Variants in ARHGAP24 observed in about 807,000 individuals in gnomAD.
The protein encoded by ARHGAP24 is Rho GTPase activating protein 24.
ARHGAP24 carries 50 observed loss-of-function variants against 76.4 expected under a neutral mutation model. That is an observed-to-expected ratio of 0.65 (90% CI 0.52 to 0.83). The LOEUF (loss-of-function observed/expected upper bound fraction) is 0.83, where lower values mean the gene tolerates loss of function less well. ARHGAP24 is among the 40% of genes least tolerant of loss of function. The pLI, the probability that ARHGAP24 is intolerant of heterozygous loss-of-function variation, is 0.00. For missense variants in ARHGAP24, 930 were observed against 914.2 expected, an observed-to-expected ratio of 1.02 and a Z score of -0.22; for synonymous variants, 345 against 323.3, an observed-to-expected ratio of 1.07 and a Z score of -0.72.
chr4:85,884,166 G>A (rs138016989), intron 3 of ARHGAP24, among the ~76,000 whole-genome samples: 78 of 152,280 alleles, frequency 5.1e-4, no homozygotes, highest in African/African-American at 1.8e-3. Context: ...TCATTAGTTA[G>A]TGAATTGGCA....
intron 2 of ARHGAP24, among the ~76,000 whole-genome samples, chr4:85,644,591 T>C (rs1309121494): frequency 2.0e-5 from 3 of 152,148 alleles, no homozygotes; most frequent in Non-Finnish European, 4.4e-5. Context: ...ATGGAATATA[T>C]CATGTTAATC....
At chr4:85,570,766 A>G in intron 2 of ARHGAP24, 45 bp downstream of exon 2, 1 of 1,605,542 alleles carries the variant, frequency 6.2e-7, no homozygotes, top group Non-Finnish European at 8.5e-7. Flanking sequence ...AAGAAAGCCA[A>G]GAAATAGAGG....
At chr4:85,821,609 T>C (rs1420941180) in intron 3 of ARHGAP24, among the ~76,000 whole-genome samples, 1 of 152,220 alleles carries the variant, frequency 6.6e-6, no homozygotes, top group Non-Finnish European at 1.5e-5. Context: ...GGTCTTGGAC[T>C]CTTGGCCTCA....
At chr4:85,768,521 G>C (rs1362974480) in intron 3 of ARHGAP24, among the ~76,000 whole-genome samples, 2 of 152,170 alleles carry the variant, frequency 1.3e-5, no homozygotes, top group Non-Finnish European at 2.9e-5. Flanking sequence ...GGTGGATCAT[G>C]AGGTCAGGAG....
chr4:85,509,930 C>T (rs1395464658), intron 1 of ARHGAP24, among the ~76,000 whole-genome samples: 1 of 152,080 alleles, frequency 6.6e-6, no homozygotes, highest in Non-Finnish European at 1.5e-5. Flanking sequence ...CTAATAAATA[C>T]AATATTTGAA....
At chr4:85,579,433 A>AT (rs1416150118) in intron 2 of ARHGAP24, among the ~76,000 whole-genome samples, 1 of 142,632 alleles carries the variant, frequency 7.0e-6, no homozygotes, top group South Asian at 2.2e-4. Flanking sequence ...TTAAAAGCCT[A>AT]TTTTTTTGCC....
intron 9 of ARHGAP24, 135 bp from the exon 10 acceptor site, chr4:86,000,344 G>A: frequency 1.4e-6 from 1 of 737,538 alleles, no homozygotes; most frequent in Non-Finnish European, 2.3e-6. Context: ...CATTGAAAGG[G>A]CTTTATTCCA....
intron 2 of ARHGAP24, among the ~76,000 whole-genome samples, chr4:85,646,003 G>C (rs1036005485): frequency 3.9e-5 from 6 of 151,968 alleles, no homozygotes; most frequent in African/African-American, 1.4e-4. Flanking sequence ...AAGCCCTTAA[G>C]TGTGAAAAAT....
chr4:85,562,793 A>T (rs1726649577), intron 1 of ARHGAP24, among the ~76,000 whole-genome samples: 1 of 152,216 alleles, frequency 6.6e-6, no homozygotes, highest in African/African-American at 2.4e-5. Context: ...GGACAAGGAA[A>T]GTGGGCAGAA....
At chr4:85,965,921 C>T (rs763713945) in intron 5 of ARHGAP24, among the ~76,000 whole-genome samples, 1 of 152,128 alleles carries the variant, frequency 6.6e-6, no homozygotes. Context: ...TATAGACAAG[C>T]TCACCAAAAG....
intron 2 of ARHGAP24, among the ~76,000 whole-genome samples, chr4:85,704,978 A>G (rs1202293355): frequency 6.6e-6 from 1 of 152,012 alleles, no homozygotes; most frequent in Non-Finnish European, 1.5e-5. Context: ...AAAGTAGAAA[A>G]GATGAGAGTT....
At chr4:85,845,080 G>C (rs1730804439) in intron 3 of ARHGAP24, among the ~76,000 whole-genome samples, 1 of 152,132 alleles carries the variant, frequency 6.6e-6, no homozygotes, top group Non-Finnish European at 1.5e-5. Flanking sequence ...TAACCTTGAA[G>C]CAATAGTACA....
At chr4:85,760,239 T>G (rs1321464844) in intron 3 of ARHGAP24, among the ~76,000 whole-genome samples, 6 of 152,196 alleles carry the variant, frequency 3.9e-5, no homozygotes, top group African/African-American at 1.4e-4. Flanking sequence ...GGTTCAGGAT[T>G]ACATTATTTT....
chr4:85,842,885 AT>A (rs1460318408), intron 3 of ARHGAP24, among the ~76,000 whole-genome samples: 2 of 152,192 alleles, frequency 1.3e-5, no homozygotes, highest in Non-Finnish European at 2.9e-5. Context: ...GTGGGGTGGT[AT>A]CAGTAACCCT....
intron 2 of ARHGAP24, among the ~76,000 whole-genome samples, chr4:85,677,244 C>T (rs2110006850): frequency 6.6e-6 from 1 of 152,242 alleles, no homozygotes; most frequent in Middle Eastern, 3.4e-3. Flanking sequence ...TTTTAATCCT[C>T]CATTTATATG....
Position 85,529,769 on chromosome 4 carries a change from G to A in ARHGAP24, c.-20-40753G>A, listed in dbSNP as rs76723077. Among the ~76,000 whole-genome samples, 122 of 152,062 alleles carry A rather than the reference G, an allele frequency of 8.0e-4. 1 individual carries two copies. The highest frequency in any genetic ancestry group is 3.4e-3 in the Middle Eastern group (1 of 294). On this transcript the variant is annotated intron_variant, in intron 1 of 9. Transcript: ENST00000395184. ...CCATTATTCTAAATGATGATTAGCAGACAATAAAAATATGTCATTCTCCTG... is the reference window on the plus strand; with the variant it reads ...CCATTATTCTAAATGATGATTAGCAAACAATAAAAATATGTCATTCTCCTG...
chr4:85,607,484 TA>T (rs1055174651), intron 2 of ARHGAP24, among the ~76,000 whole-genome samples: 1 of 151,750 alleles, frequency 6.6e-6, no homozygotes. Flanking sequence ...CAGTTGTCAC[TA>T]AAAAAATATC....
intron 3 of ARHGAP24, among the ~76,000 whole-genome samples, chr4:85,841,497 A>G (rs1394544118): frequency 6.6e-6 from 1 of 152,250 alleles, no homozygotes; most frequent in African/African-American, 2.4e-5. Context: ...TACTTAGAAT[A>G]GTTTCTGGCT....
intron 3 of ARHGAP24, among the ~76,000 whole-genome samples, chr4:85,916,772 G>A (rs1735430950): frequency 6.6e-6 from 1 of 152,102 alleles, no homozygotes; most frequent in African/African-American, 2.4e-5. Flanking sequence ...TAACTCAAAT[G>A]TCTGTGACAG....
Sources: gnomAD v4.1 joint callset for allele counts (sites outside exome capture counted in the v4.1 genomes callset) on GRCh38, gnomAD v4.1.1 for gene constraint, MANE v1.5 for transcripts, NCBI Gene and HGNC (gene_info 2026-07-23, HGNC 2026-07-21) for gene names.